ABCC10: variants seen among roughly 807,000 people sequenced by gnomAD.
ABCC10 encodes ATP binding cassette subfamily C member 10.
ABCC10 carries 110 observed loss-of-function variants against 143.2 expected under a neutral mutation model. The ratio of observed to expected loss-of-function variants is 0.77; its 90% CI spans 0.66 to 0.90. The LOEUF is 0.90. ABCC10 is among the 40% of genes least tolerant of loss of function. The probability of loss-of-function intolerance (pLI) is 0.00; values close to 1 mark genes in which losing one functional copy is unlikely to be tolerated. For synonymous variants in ABCC10, 805 were observed against 846.7 expected (o/e 0.95, Z 0.85); for missense variants, 1,700 against 1,900.5 (o/e 0.89, Z 1.96).
intron 21 of ABCC10, 102 bp downstream of exon 21, chr6:43,449,636 C>A: frequency 1.0e-6 from 1 of 977,734 alleles, no homozygotes; most frequent in Admixed American, 2.6e-5. Flanking sequence ...CTTAGAGATC[C>A]TGCCCCCCCA....
At position 43,443,299 on chromosome 6, in the gene ABCC10, A is replaced by C. The variant is rs1235333600; in HGVS notation, c.2416+140A>C. ...CTCCCGCCTTCACAGAACTGGTGTG[A>C]GGAACTGGGAGAACAGGAGGGAAAA... On this transcript the variant is annotated intron_variant, in intron 10 of 21. Transcript: ENST00000372530. The surrounding 1 kb of genome is among the most constrained non-coding windows in gnomAD (Gnocchi z 4.2). 4 of 851,736 alleles carry C rather than the reference A, an allele frequency of 4.7e-6. No individual in the cohort carries two copies. The African/African-American group carries it at 6.9e-5, about 15-fold the overall frequency. The allele number at this position is 851,736 out of a possible 1,614,324, so 52.8% of individuals were successfully genotyped here. A position where few individuals can be genotyped will look rare whatever the true frequency, so the allele number is the denominator to read the frequency against.
At chr6:43,431,702 CT>C (rs746415581) in intron 2 of ABCC10, 10 of 660,672 alleles carry the variant, frequency 1.5e-5, no homozygotes, top group Non-Finnish European at 1.9e-5. Context: ...GGCATATGTG[CT>C]TGTTTGTTAT....
rs749480011 is a variant in ABCC10 at position 43,449,021 on chromosome 6, C to A, written c.4100C>A (p.Ser1367Tyr). 6.2e-7 allele frequency: 1 copy of A among 1,613,956 alleles called. No homozygotes were observed. Among genetic ancestry groups the A allele is most frequent in the Non-Finnish European group, 8.5e-7 (1 of 1,179,876 alleles). Residue 1367 changes from serine (S) to tyrosine (Y), a missense_variant, in exon 19 of 22, where the codon TCC becomes TAC. Transcript: ENST00000372530. ...KQCHLSEVIT[S>Y]MGGLDGELGE... Reference sequence around the variant, plus strand: ...TGCCACCTGAGTGAGGTGATTACATCCATGGGTGAGTGCTGGACCCTGACC... The same window carrying A: ...TGCCACCTGAGTGAGGTGATTACATACATGGGTGAGTGCTGGACCCTGACC...
In ABCC10 at chr6:43,449,136, G is replaced by C; in HGVS notation, c.4135G>C (p.Gly1379Arg). 1 of 1,614,196 alleles carries C rather than the reference G, an allele frequency of 6.2e-7. No homozygotes were observed. Among genetic ancestry groups the C allele is most frequent in the African/African-American group, 1.3e-5 (1 of 75,054 alleles). Reference sequence around the variant, plus strand: ...TCTGGATGGTGAGCTGGGTGAGGGGGGCCGGAGCTTATCTCTTGGGCAGAG... The same window carrying C: ...TCTGGATGGTGAGCTGGGTGAGGGGCGCCGGAGCTTATCTCTTGGGCAGAG... ...GGLDGELGEGGRSLSLGQRQL... is the reference protein window; with the variant it reads ...GGLDGELGEGRRSLSLGQRQL... Residue 1379 changes from glycine to arginine, a missense_variant, in exon 20 of 22, where the codon GGC becomes CGC. Physicochemically the swap from Gly to Arg is moderately radical, Grantham distance 125 (BLOSUM62 -2). Coordinates refer to ENST00000372530, the MANE Select transcript of ABCC10 (RefSeq NM_001198934.2).
chr6:43,438,689 G>A lies in ABCC10; in HGVS notation c.2021G>A (p.Trp674Ter). Residue 674 changes from tryptophan to a stop codon, truncating the protein, a stop_gained, in exon 8 of 22, where the codon TGG (tryptophan) becomes TAG (stop). Coordinates refer to ENST00000372530, the MANE Select transcript of ABCC10 (RefSeq NM_001198934.2). LOFTEE classifies it high-confidence loss of function. The part of the protein sequence containing the change: ...KGFGLATQEP[W>*]IQFATIRDNI... Reference sequence around the variant, plus strand: ...TTTGGCCTGGCCACCCAGGAACCCTGGATCCAGTTTGCCACCATCCGAGAC... The same window carrying A: ...TTTGGCCTGGCCACCCAGGAACCCTAGATCCAGTTTGCCACCATCCGAGAC... 1.9e-6 allele frequency: 3 copies of A among 1,614,220 alleles called. No homozygotes were observed. The highest frequency in any genetic ancestry group is 1.7e-6 in the Non-Finnish European group (2 of 1,180,034).
Position 43,450,062 on chromosome 6 carries a change from G to A in ABCC10, c.4450G>A (p.Gly1484Arg), listed in dbSNP as rs752491598. 5 of 1,609,292 alleles carry A rather than the reference G, an allele frequency of 3.1e-6. No individual in the cohort carries two copies. Among genetic ancestry groups the A allele is most frequent in the Non-Finnish European group, 4.2e-6 (5 of 1,177,554 alleles). Residue 1484 changes from glycine to arginine, a missense_variant, in exon 22 of 22, where the codon GGA (glycine) becomes AGA (arginine). By Grantham distance (125) the Gly-to-Arg change is moderately radical. Transcript: ENST00000372530. The surrounding 1 kb of genome is among the most constrained non-coding windows in gnomAD (Gnocchi z 4.5). ...GCAGCTGCTGCAGAGCAGCCAGCAGGGAGTCCCTGCCTCACTCGGAGGTCC... is the reference window on the plus strand; with the variant it reads ...GCAGCTGCTGCAGAGCAGCCAGCAGAGAGTCCCTGCCTCACTCGGAGGTCC... ...FQQLLQSSQQGVPASLGGP is the reference protein window; with the variant it reads ...FQQLLQSSQQRVPASLGGP
intron 6 of ABCC10, among the ~76,000 whole-genome samples, chr6:43,437,292 C>T (rs1459794618): frequency 1.3e-5 from 2 of 151,990 alleles, no homozygotes; most frequent in Non-Finnish European, 2.9e-5. Context: ...CCACTTGTAG[C>T]TGGGTCAACC....
At chr6:43,450,497 G>T, downstream of ABCC10, 1 of 1,521,710 alleles carries the variant, frequency 6.6e-7, no homozygotes, top group Non-Finnish European at 8.8e-7. The surrounding 1 kb of genome is among the most constrained non-coding windows in gnomAD (Gnocchi z 4.5). Context: ...AGTCTGAGGG[G>T]TGGAAGAGGT....
chr6:43,449,223 AC>A lies in ABCC10; in HGVS notation c.4203+20del. On this transcript the variant is annotated intron_variant, in intron 20 of 21. Transcript: ENST00000372530. ...TGCCAAGGTAAGGTGAGAGAAAGAG[AC>A]ATTAGAGAGGGCCAGGAAGAAGGCT... 6.2e-7 allele frequency: 1 copy of A among 1,612,538 alleles called. No individual in the cohort carries two copies. Among genetic ancestry groups the A allele is most frequent in the Non-Finnish European group, 8.5e-7 (1 of 1,179,032 alleles).
chr6:43,446,698 T>C, intron 16 of ABCC10: 8 of 985,194 alleles, frequency 8.1e-6, no homozygotes, highest in Non-Finnish European at 9.6e-6. Context: ...CTTCCCTGCT[T>C]CCACCCCGTC....
rs776175442 is a variant in ABCC10 at position 43,436,221 on chromosome 6, T to G, written c.1849T>G (p.Phe617Val). The G allele has an allele frequency of 9.9e-6, 16 of 1,613,936 alleles. No individual in the cohort carries two copies. Among genetic ancestry groups the G allele is most frequent in the Middle Eastern group, 1.7e-4 (1 of 6,020 alleles). ...WDPVGTSLET[F>V]ISHLEVKKGM... ...CCCAGTTGGAACCAGCCTGGAGACC[T>G]TCATCAGTCATCTCGAAGTGAAAAA... Residue 617 changes from phenylalanine (F) to valine (V), a missense_variant, in exon 6 of 22, where the codon TTC (phenylalanine) becomes GTC (valine). Phe to Val is a conservative substitution (Grantham distance 50, BLOSUM62 -1). Transcript: ENST00000372530.
intron 2 of ABCC10, among the ~76,000 whole-genome samples, chr6:43,429,616 T>A (rs1197819910): frequency 6.6e-6 from 1 of 152,076 alleles, no homozygotes; most frequent in African/African-American, 2.4e-5. Flanking sequence ...AAAAATTATT[T>A]TTAATAGGCC....
In ABCC10 at chr6:43,438,034, C is replaced by T. The variant is rs201680418; in HGVS notation, c.1955+21C>T. On this transcript the variant is annotated intron_variant, in intron 7 of 21. Transcript: ENST00000372530. ...CACAGGTAACCAACCTCCTATGCAC[C>T]CCTGTCCTTACTTTGTCCTTTAGCA... 3.1e-6 allele frequency: 5 copies of T among 1,605,680 alleles called. No homozygotes were observed. The East Asian group carries it at 9.0e-5, about 29-fold the overall frequency.
Position 43,443,256 on chromosome 6 carries a change from T to C in ABCC10, c.2416+97T>C, listed in dbSNP as rs1488474720. 1.6e-6 allele frequency: 2 copies of C among 1,281,964 alleles called. No individual in the cohort carries two copies. Among genetic ancestry groups the C allele is most frequent in the African/African-American group, 3.0e-5 (2 of 66,662 alleles). 79.4% of individuals were successfully genotyped at this position (1,281,964 alleles called of 1,614,324 possible). On this transcript the variant is annotated intron_variant, in intron 10 of 21. Transcript: ENST00000372530. This position sits in a 1 kb window ranked among gnomAD's most constrained non-coding sequence, Gnocchi z 4.2. Reference sequence around the variant, plus strand: ...TCTGCCCCCTGCTGCATGTGTGCCCTGAGCCAGTCATTGCTGCCTCCCGCC... The same window carrying C: ...TCTGCCCCCTGCTGCATGTGTGCCCCGAGCCAGTCATTGCTGCCTCCCGCC...
At chr6:43,448,505 C>T (rs1783382112) in intron 18 of ABCC10, among the ~76,000 whole-genome samples, 2 of 152,232 alleles carry the variant, frequency 1.3e-5, no homozygotes, top group South Asian at 4.1e-4. Context: ...CCCACTCCAA[C>T]CTTGAAGTGT....
chr6:43,448,732 G>A (rs563133659), intron 18 of ABCC10, 149 bp from the exon 19 acceptor site: 2 of 945,336 alleles, frequency 2.1e-6, no homozygotes, highest in East Asian at 5.2e-5. Context: ...CAGATCATTT[G>A]GTGGGGATGG....
rs756409658 is a variant in ABCC10, at chr6:43,444,313, C to T, written c.2649C>T (p.Gly883=). 6.2e-6 allele frequency: 10 copies of T among 1,612,756 alleles called. No individual in the cohort carries two copies. In the Admixed American group the frequency reaches 1.0e-4, roughly 16 times the overall value. Residue 883 remains glycine (G), a synonymous_variant, in exon 12 of 22, where the codon GGC becomes GGT. Transcript: ENST00000372530. ...CTTACTGGAAGGCCGTGGGCCAGGG[C>T]TTGGCCTTAGCCATCCTCTTCTCTC... is the stretch of plus-strand genomic sequence containing the variant. The part of the protein sequence containing the change: ...YQAYWKAVGQ[G]LALAILFSLL...
rs757993326 is a variant in ABCC10 at position 43,445,942 on chromosome 6, G to GGT, written c.3374+6_3374+7dup. On this transcript the variant is annotated frameshift_variant and splice_region_variant. Coordinates refer to ENST00000372530, the MANE Select transcript of ABCC10 (RefSeq NM_001198934.2). LOFTEE classifies it high-confidence loss of function. The stretch of plus-strand genomic sequence containing the variant: ...CTCCGGGCCACAGGGGCCACCTACA[G>GGT]GTGTGTGAACCAGAGCCCAGGGGGA... 5 of 1,609,736 alleles carry GGT rather than the reference G, an allele frequency of 3.1e-6. No individual in the cohort carries two copies. The African/African-American group carries it at 6.7e-5, about 22-fold the overall frequency.
intron 6 of ABCC10, among the ~76,000 whole-genome samples, chr6:43,436,638 G>A (rs751323963): frequency 6.6e-6 from 1 of 152,206 alleles, no homozygotes; most frequent in Non-Finnish European, 1.5e-5. Flanking sequence ...GGGATCCTCT[G>A]TTTAGGCTGG....
Sources: allele counts gnomAD v4.1 joint callset (sites outside exome capture counted in the v4.1 genomes callset), GRCh38; gene constraint gnomAD v4.1.1; non-coding constraint Gnocchi (gnomAD v3.1); transcripts MANE v1.5; gene names NCBI Gene and HGNC (gene_info 2026-07-23, HGNC 2026-07-21).